Variants in U2AF2 observed in about 807,000 individuals in gnomAD.
The protein encoded by U2AF2 is U2 small nuclear RNA auxiliary factor 2, also known as splicing factor U2AF 65 kDa subunit.
A neutral mutation model predicts 52.6 loss-of-function variants in U2AF2; 6 were observed. The ratio of observed to expected loss-of-function variants is 0.11; its 90% confidence interval spans 0.06 to 0.23. The LOEUF (loss-of-function observed/expected upper bound fraction) is 0.23. Among genes scored for constraint, U2AF2 ranks in the 10% least tolerant of loss-of-function variants. The pLI is 1.00. For missense variants in U2AF2, 222 were observed against 677.1 expected (o/e 0.33, Z 7.46); for synonymous variants, 284 against 258.2 (o/e 1.10, Z -0.96).
intron 1 of U2AF2, among the ~76,000 whole-genome samples, chr19:55,655,363 G>T (rs952533568): frequency 6.6e-6 from 1 of 152,292 alleles, no homozygotes; most frequent in African/African-American, 2.4e-5. Context: ...GCGCGGGCCC[G>T]TGACGCATGC....
intron 1 of U2AF2, among the ~76,000 whole-genome samples, 164 bp downstream of exon 1, chr19:55,655,317 C>T (rs1983708759): frequency 6.6e-6 from 1 of 152,154 alleles, no homozygotes; most frequent in Non-Finnish European, 1.5e-5. Context: ...CCCCAGCGTT[C>T]CGCCGCGCGC....
intron 6 of U2AF2, 107 bp downstream of exon 6, chr19:55,662,725 C>T (rs1984296215): frequency 3.3e-6 from 3 of 918,688 alleles, no homozygotes; most frequent in African/African-American, 1.6e-5. Context: ...ACCAGGCCCT[C>T]TGCAGCCTCT....
intron 1 of U2AF2, among the ~76,000 whole-genome samples, chr19:55,657,972 C>T (rs1600069067): frequency 6.6e-6 from 1 of 152,186 alleles, no homozygotes; most frequent in African/African-American, 2.4e-5. Flanking sequence ...TAGGAAGCAT[C>T]TCAATATTTG....
chr19:55,674,290 A>G lies in U2AF2; in HGVS notation c.*222A>G. Reference sequence around the variant, plus strand: ...CTGGGGAAGTGCGCACACAGCCCACACAGACAACACGCACCCACACAGACA... The same window carrying G: ...CTGGGGAAGTGCGCACACAGCCCACGCAGACAACACGCACCCACACAGACA... On this transcript the variant is annotated 3_prime_UTR_variant, in exon 12 of 12. Transcript: ENST00000308924. 1.9e-6 allele frequency: 1 copy of G among 527,414 alleles called. No homozygotes were observed. The highest frequency in any genetic ancestry group is 3.4e-6 in the Non-Finnish European group (1 of 295,610). The allele number at this position is 527,414 out of a possible 1,614,324, so 32.7% of individuals were successfully genotyped here. A position where few individuals can be genotyped will look rare whatever the true frequency, so the allele number is the denominator to read the frequency against.
rs570507620 is a variant in U2AF2 at position 55,668,033 on chromosome 19, T to C, written c.743-474T>C. ...TCTTGACCTTGTGATCTGCCCGCCT[T>C]GGCCTCCCAAAGTGCTGAGATTACA... On this transcript the variant is annotated intron_variant, in intron 7 of 11. Transcript: ENST00000308924. This position sits in a 1 kb window ranked among gnomAD's most constrained non-coding sequence, Gnocchi z 5.5. Among the ~76,000 whole-genome samples, 10 of 152,196 alleles carry C rather than the reference T, an allele frequency of 6.6e-5. No homozygotes were observed. The highest frequency in any genetic ancestry group is 1.9e-4 in the East Asian group (1 of 5,164).
At chr19:55,662,829 C>G (rs1451482841) in intron 6 of U2AF2, among the ~76,000 whole-genome samples, 1 of 152,104 alleles carries the variant, frequency 6.6e-6, no homozygotes, top group Admixed American at 6.5e-5. Context: ...ACCTGAGAGG[C>G]CTGTTTGGCC....
rs528369666 is a variant in U2AF2, at chr19:55,655,119, C to T, written c.15C>T (p.Asp5=). 9.3e-6 allele frequency: 15 copies of T among 1,604,656 alleles called. No homozygotes were observed. The South Asian group carries it at 1.1e-4, about 12-fold the overall frequency. Residue 5 remains aspartate, a synonymous_variant, in exon 1 of 12, where the codon GAC becomes GAT. Transcript: ENST00000308924. ...GCCGCCTCAGCATGTCGGACTTCGACGAGTTCGAGCGGCAGCTCAACGAGA... is the reference window on the plus strand; with the variant it reads ...GCCGCCTCAGCATGTCGGACTTCGATGAGTTCGAGCGGCAGCTCAACGAGA... MSDF[D]EFERQLNENK... is the part of the protein sequence containing the mutation.
chr19:55,661,550 G>A (rs898978008), intron 5 of U2AF2, among the ~76,000 whole-genome samples: 6 of 146,452 alleles, frequency 4.1e-5, no homozygotes, highest in African/African-American at 1.3e-4. Context: ...ACAGACGCAC[G>A]CTGCCCCTCA....
At chr19:55,665,689 C>T (rs1283373294) in intron 7 of U2AF2, among the ~76,000 whole-genome samples, 1 of 152,236 alleles carries the variant, frequency 6.6e-6, no homozygotes, top group African/African-American at 2.4e-5. Context: ...TGCTGTGTTG[C>T]CCAGGCTGGA....
At chr19:55,657,582 CGAG>C (rs965931611) in intron 1 of U2AF2, among the ~76,000 whole-genome samples, 12 of 152,234 alleles carry the variant, frequency 7.9e-5, no homozygotes, top group Non-Finnish European at 1.5e-4. Context: ...ATCTTATAAG[CGAG>C]GAGCTGTGCC....
Position 55,668,957 on chromosome 19 carries a change from G to C in U2AF2, c.946-126G>C. 3 of 1,473,836 alleles carry C rather than the reference G, an allele frequency of 2.0e-6. No homozygotes were observed. Among genetic ancestry groups the C allele is most frequent in the Non-Finnish European group, 2.7e-6 (3 of 1,096,550 alleles). The allele number at this position is 1,473,836 out of a possible 1,614,324, so 91.3% of individuals were successfully genotyped here. A position where few individuals can be genotyped will look rare whatever the true frequency, so the allele number is the denominator to read the frequency against. On this transcript the variant is annotated intron_variant, in intron 9 of 11. Coordinates refer to ENST00000308924, the MANE Select transcript of U2AF2 (RefSeq NM_007279.3). The surrounding 1 kb of genome is among the most constrained non-coding windows in gnomAD (Gnocchi z 5.5). ...GTCCCATGGCGTTGGCTTTTTCCAG[G>C]CTCTTAATCCCCTTTGCCTTCCCCT...
At position 55,662,303 on chromosome 19, in the gene U2AF2, C is replaced by T. The variant is rs1027721889; in HGVS notation, c.487-199C>T. The T allele has an allele frequency of 8.3e-6, 4 of 479,824 alleles. No individual in the cohort carries two copies. In the Admixed American group the frequency reaches 1.5e-4, roughly 18 times the overall value. The allele number at this position is 479,824 out of a possible 1,614,324, so 29.7% of individuals were successfully genotyped here. On this transcript the variant is annotated intron_variant, in intron 5 of 11. Coordinates refer to ENST00000308924, the MANE Select transcript of U2AF2 (RefSeq NM_007279.3). Reference sequence around the variant, plus strand: ...CCGTCTCTTGCTACTGCTTCCTCCCCATTTTCTCTCTTGCTTCTGTTCTTA... The same window carrying T: ...CCGTCTCTTGCTACTGCTTCCTCCCTATTTTCTCTCTTGCTTCTGTTCTTA...
At chr19:55,655,277 T>A (rs780568812) in intron 1 of U2AF2, 124 bp downstream of exon 1, 24 of 1,057,650 alleles carry the variant, frequency 2.3e-5, no homozygotes, top group Non-Finnish European at 3.2e-5. Context: ...CAACCCTGGT[T>A]CCGTGGCGCG....
chr19:55,655,189 C>G (rs1169783190), intron 1 of U2AF2, 36 bp downstream of exon 1: 3 of 1,587,054 alleles, frequency 1.9e-6, no homozygotes, highest in Non-Finnish European at 2.6e-6. Context: ...GAGGTGTGGG[C>G]GGCTCCTCGC....
chr19:55,668,720 C>G lies in U2AF2; in HGVS notation c.873C>G (p.Val291=). ...SFGPLKAFNL[V]KDSATGLSKG... is the part of the protein sequence containing the mutation. ...GGCCCCTCAAGGCCTTCAACCTGGTCAAGGACAGTGCCACGGGGCTCTCCA... is the reference window on the plus strand; with the variant it reads ...GGCCCCTCAAGGCCTTCAACCTGGTGAAGGACAGTGCCACGGGGCTCTCCA... The change falls in exon 9 of 12, where the codon GTC becomes GTG. Residue 291 remains valine, a synonymous_variant. Coordinates refer to ENST00000308924, the MANE Select transcript of U2AF2 (RefSeq NM_007279.3). The surrounding 1 kb of genome is among the most constrained non-coding windows in gnomAD (Gnocchi z 5.5). 4 of 1,613,752 alleles carry G rather than the reference C, an allele frequency of 2.5e-6. No individual in the cohort carries two copies. The highest frequency in any genetic ancestry group is 2.5e-6 in the Non-Finnish European group (3 of 1,179,862).
Position 55,656,317 on chromosome 19 carries a change from A to G in U2AF2, c.49+1164A>G, listed in dbSNP as rs1023045958. 9.2e-5 allele frequency among the ~76,000 whole-genome samples: 14 copies of G among 152,288 alleles called. No individual in the cohort carries two copies. The South Asian group carries it at 2.7e-3, about 29-fold the overall frequency. ...AGGAATTTTCCTTTGAACCCGGGCT[A>G]GAGTTGGGTAGGGGCTGTATTAGGA... On this transcript the variant is annotated intron_variant, in intron 1 of 11. Transcript: ENST00000308924.
chr19:55,662,302 C>A, intron 5 of U2AF2, 200 bp from the exon 6 acceptor site: 1 of 479,172 alleles, frequency 2.1e-6, no homozygotes, highest in Non-Finnish European at 3.7e-6. Context: ...TGCTTCCTCC[C>A]CATTTTCTCT....
chr19:55,673,805 C>G, intron 11 of U2AF2, 129 bp from the exon 12 acceptor site: 2 of 1,357,162 alleles, frequency 1.5e-6, no homozygotes, highest in Non-Finnish European at 2.0e-6. Flanking sequence ...CTAAGGGTCC[C>G]TTTCTGACAC....
At chr19:55,661,210 C>G in intron 5 of U2AF2, 21 bp downstream of exon 5, 1 of 1,565,416 alleles carries the variant, frequency 6.4e-7, no homozygotes, top group Non-Finnish European at 8.7e-7. Context: ...CCCCTGCCCC[C>G]TACCCTCTCC....
Sources: gnomAD v4.1 joint callset for allele counts (sites outside exome capture counted in the v4.1 genomes callset) on GRCh38, gnomAD v4.1.1 for gene constraint, Gnocchi (gnomAD v3.1) non-coding constraint, MANE v1.5 for transcripts, NCBI Gene and HGNC (gene_info 2026-07-23, HGNC 2026-07-21) for gene names.